The following UGT1A8 variants were observed in gnomAD, a reference collection of about 807,000 sequenced individuals.
The protein encoded by UGT1A8 is UDP-glucuronosyltransferase 1A8.
UGT1A8 carries 39 observed loss-of-function variants against 45.3 expected under a neutral mutation model. The ratio of observed to expected loss-of-function variants is 0.86; its 90% CI spans 0.67 to 1.12. UGT1A8 has a LOEUF of 1.12. UGT1A8 is among the 50% of genes most tolerant of loss of function. UGT1A8 has a pLI of 0.00. For missense variants in UGT1A8, 719 were observed against 664.9 expected (o/e 1.08, Z -0.90); for synonymous variants, 275 against 249.2 (o/e 1.10, Z -0.97).
chr2:233,617,673 G>A lies in UGT1A8; in HGVS notation c.-35G>A. 6.3e-7 allele frequency: 1 copy of A among 1,593,210 alleles called. No individual in the cohort carries two copies. The highest frequency in any genetic ancestry group is 2.2e-5 in the East Asian group (1 of 44,706). ...CCGCCTACTGTATCATAGCAGCTTA[G>A]AATCCCAGCTGCTGGCTCGGGCTGC... On this transcript the variant is annotated 5_prime_UTR_variant, in exon 1 of 5. Transcript: ENST00000373450.
chr2:233,664,775 G>C (rs1387218105), intron 1 of UGT1A8, among the ~76,000 whole-genome samples: 1 of 152,182 alleles, frequency 6.6e-6, no homozygotes, highest in Admixed American at 6.5e-5. Flanking sequence ...TGAGATTTGG[G>C]TGGGGACAAA....
At chr2:233,727,612 G>A (rs1475048958) in intron 1 of UGT1A8, among the ~76,000 whole-genome samples, 1 of 152,194 alleles carries the variant, frequency 6.6e-6, no homozygotes, top group Non-Finnish European at 1.5e-5. Flanking sequence ...GAATAGTTCA[G>A]AGGCTGAGAG....
intron 1 of UGT1A8, among the ~76,000 whole-genome samples, chr2:233,640,393 A>G (rs1267993333): frequency 6.6e-6 from 1 of 152,118 alleles, no homozygotes; most frequent in African/African-American, 2.4e-5. Context: ...ATATTTTATT[A>G]AATATAAAAA....
chr2:233,633,176 G>T (rs143064337), intron 1 of UGT1A8, among the ~76,000 whole-genome samples: 17,488 of 152,136 alleles, frequency 0.11, 1,163 homozygotes, highest in Non-Finnish European at 0.16. Flanking sequence ...GATCATGGTG[G>T]ATAAGCTTTT....
intron 1 of UGT1A8, among the ~76,000 whole-genome samples, chr2:233,681,530 CA>C (rs747693860): frequency 0.045 from 3,524 of 77,680 alleles, 72 homozygotes; most frequent in African/African-American, 0.14. Context: ...GACTCCATCT[CA>C]AAAAAAAAAA....
At chr2:233,752,348 A>G (rs1694949264) in intron 1 of UGT1A8, 1 of 152,154 alleles carries the variant, frequency 6.6e-6, no homozygotes, top group South Asian at 2.1e-4. Context: ...CATGGAGGAA[A>G]TTCATTTTAG....
chr2:233,719,067 C>T (rs769802516), intron 1 of UGT1A8: 180 of 1,614,260 alleles, frequency 1.1e-4, no homozygotes, highest in East Asian at 4.0e-4. Flanking sequence ...CTATGCTGTT[C>T]CATGGACCCA....
In UGT1A8 at chr2:233,754,989, C is replaced by G. The variant is rs749655557; in HGVS notation, c.856-12045C>G. On this transcript the variant is annotated intron_variant, in intron 1 of 4. Coordinates refer to ENST00000373450, the MANE Select transcript of UGT1A8 (RefSeq NM_019076.5). ...CTCCCTGAAGACCTCGGCGGGGTCACGGAAGCTGAAGACCTACTCGAAGGG... is the reference window on the plus strand; with the variant it reads ...CTCCCTGAAGACCTCGGCGGGGTCAGGGAAGCTGAAGACCTACTCGAAGGG... 2.3e-6 allele frequency: 3 copies of G among 1,296,678 alleles called. No individual in the cohort carries two copies. The South Asian group carries it at 3.5e-5, about 15-fold the overall frequency. The allele number at this position is 1,296,678 out of a possible 1,614,324, so 80.3% of individuals were successfully genotyped here. A position where few individuals can be genotyped will look rare whatever the true frequency, so the allele number is the denominator to read the frequency against.
intron 1 of UGT1A8, chr2:233,753,144 A>G (rs1203903017): frequency 6.6e-6 from 1 of 152,210 alleles, no homozygotes; most frequent in Non-Finnish European, 1.5e-5. Context: ...ATCTTCACAC[A>G]TGTAAGTTCC....
intron 1 of UGT1A8, among the ~76,000 whole-genome samples, chr2:233,744,367 A>T (rs2125862571): frequency 6.6e-6 from 1 of 151,892 alleles, no homozygotes; most frequent in Non-Finnish European, 1.5e-5. Flanking sequence ...GTTGTTTAGG[A>T]CTGCAGTTCT....
intron 1 of UGT1A8, chr2:233,729,723 A>G (rs563184062): frequency 1.2e-5 from 19 of 1,613,938 alleles, no homozygotes; most frequent in African/African-American, 8.0e-5. Context: ...GATTACTAAC[A>G]ACCAATTCAG....
At chr2:233,697,298 A>C (rs1046894333) in intron 1 of UGT1A8, among the ~76,000 whole-genome samples, 1 of 152,102 alleles carries the variant, frequency 6.6e-6, no homozygotes, top group African/African-American at 2.4e-5. Flanking sequence ...TTCTTCATTC[A>C]ATCTTGGTAG....
At chr2:233,745,465 G>C (rs1164210387) in intron 1 of UGT1A8, among the ~76,000 whole-genome samples, 3 of 151,586 alleles carry the variant, frequency 2.0e-5, no homozygotes, top group Non-Finnish European at 2.9e-5. Flanking sequence ...AGTTCTAAGG[G>C]GAAAATGATT....
chr2:233,658,513 G>A (rs2073902156), intron 1 of UGT1A8, among the ~76,000 whole-genome samples: 1 of 152,108 alleles, frequency 6.6e-6, no homozygotes, highest in African/African-American at 2.4e-5. Flanking sequence ...TTCATCTCCT[G>A]TACCGTGTGA....
chr2:233,762,557 A>G (rs1283920878), intron 1 of UGT1A8, among the ~76,000 whole-genome samples: 3 of 152,170 alleles, frequency 2.0e-5, no homozygotes. Flanking sequence ...TCTGCTGGAG[A>G]TCTAGTCTAG....
At chr2:233,711,983 C>T (rs1229844576) in intron 1 of UGT1A8, among the ~76,000 whole-genome samples, 4 of 152,190 alleles carry the variant, frequency 2.6e-5, no homozygotes, top group Non-Finnish European at 5.9e-5. Context: ...AGAGCCCCCA[C>T]AAATTATTCT....
At chr2:233,761,212 G>T in intron 1 of UGT1A8, 1 of 1,613,674 alleles carries the variant, frequency 6.2e-7, no homozygotes, top group Non-Finnish European at 8.5e-7. Flanking sequence ...ACTTTGGATC[G>T]ATTAACTAGC....
intron 4 of UGT1A8, chr2:233,771,400 G>A (rs1195716316): frequency 6.6e-6 from 1 of 152,152 alleles, no homozygotes; most frequent in Non-Finnish European, 1.5e-5. Flanking sequence ...ATTGGGCAAT[G>A]AACACTGTCC....
chr2:233,637,368 A>G (rs1435332231), intron 1 of UGT1A8: 1 of 1,612,926 alleles, frequency 6.2e-7, no homozygotes. Context: ...AGGGAAAGCC[A>G]TTGCCTATGG....
Sources: gnomAD v4.1 joint callset for allele counts (sites outside exome capture counted in the v4.1 genomes callset) on GRCh38, gnomAD v4.1.1 for gene constraint, MANE v1.5 for transcripts, NCBI Gene and HGNC (gene_info 2026-07-23, HGNC 2026-07-21) for gene names.